The following ACO2 variants were observed in gnomAD, a reference collection of about 807,000 sequenced individuals.
ACO2 encodes the protein aconitate hydratase, mitochondrial.
A neutral mutation model predicts 84.5 loss-of-function variants in ACO2; 31 were observed. The observed-to-expected ratio is 0.37, with a 90% CI of 0.28 to 0.50. The LOEUF is 0.50. ACO2 is among the 20% of genes least tolerant of loss of function. The pLI is 0.97. For synonymous variants in ACO2, 414 were observed against 412.7 expected, an observed-to-expected ratio of 1.00 and a Z score of -0.04; for missense variants, 685 against 1,029.3, an observed-to-expected ratio of 0.67 and a Z score of 4.58.
intron 2 of ACO2, among the ~76,000 whole-genome samples, chr22:41,503,053 C>A (rs1004239155): frequency 6.6e-6 from 1 of 152,292 alleles, no homozygotes; most frequent in Admixed American, 6.5e-5. Flanking sequence ...GCAAGAGGTT[C>A]GCTTTGAGAT....
intron 8 of ACO2, among the ~76,000 whole-genome samples, chr22:41,519,762 C>T (rs1011098917): frequency 6.6e-6 from 1 of 150,692 alleles, no homozygotes; most frequent in African/African-American, 2.5e-5. Flanking sequence ...GAGCCAAGAT[C>T]GTGCCACTGC....
At chr22:41,521,461 G>C (rs1177639054) in intron 9 of ACO2, 1 of 152,226 alleles carries the variant, frequency 6.6e-6, no homozygotes, top group South Asian at 2.1e-4. Context: ...CACTGTCTAT[G>C]TGTGGGTTCC....
intron 16 of ACO2, 45 bp downstream of exon 16, chr22:41,527,465 T>C: frequency 6.4e-7 from 1 of 1,568,446 alleles, no homozygotes; most frequent in South Asian, 1.2e-5. Flanking sequence ...CCATCCCTAG[T>C]GATCAAGGTC....
intron 3 of ACO2, among the ~76,000 whole-genome samples, chr22:41,508,641 A>G (rs1601910413): frequency 6.6e-6 from 1 of 152,180 alleles, no homozygotes; most frequent in East Asian, 1.9e-4. Context: ...TTGCTTAACT[A>G]CATGGGGGTG....
intron 1 of ACO2, among the ~76,000 whole-genome samples, chr22:41,497,176 C>A (rs1393843095): frequency 6.6e-6 from 1 of 151,946 alleles, no homozygotes; most frequent in Non-Finnish European, 1.5e-5. Flanking sequence ...TCAAGCAATT[C>A]TCCTGCCTCA....
intron 8 of ACO2, 130 bp from the exon 9 acceptor site, chr22:41,520,041 G>A: frequency 2.7e-6 from 2 of 741,962 alleles, no homozygotes; most frequent in Non-Finnish European, 4.5e-6. Context: ...TCTTCCCTGT[G>A]ATGAGGTTTC....
chr22:41,517,965 T>C (rs2066488709), intron 7 of ACO2, among the ~76,000 whole-genome samples: 1 of 152,180 alleles, frequency 6.6e-6, no homozygotes, highest in South Asian at 2.1e-4. Flanking sequence ...ATGACATGGA[T>C]CGCTTCTGTT....
At chr22:41,510,128 G>A (rs1055882175) in intron 3 of ACO2, among the ~76,000 whole-genome samples, 7 of 152,176 alleles carry the variant, frequency 4.6e-5, no homozygotes, top group Admixed American at 4.6e-4. Context: ...GAGCCACCAC[G>A]CCCGGCCTAG....
Position 41,522,030 on chromosome 22 carries a change from C to T in ACO2, c.1139-800C>T, listed in dbSNP as rs9607810. 2.0e-5 allele frequency among the ~76,000 whole-genome samples: 3 copies of T among 152,216 alleles called. No homozygotes were observed. The South Asian group carries it at 6.2e-4, about 32-fold the overall frequency. On this transcript the variant is annotated intron_variant, in intron 9 of 17. Transcript: ENST00000216254. The stretch of plus-strand genomic sequence containing the variant: ...TCAAGTGATCTGCCTGCCTCGGCCT[C>T]TCAAAGTTGTGGGATTACAGGTGTG...
intron 1 of ACO2, 135 bp from the exon 2 acceptor site, chr22:41,499,591 G>A (rs531669568): frequency 1.3e-5 from 12 of 951,682 alleles, no homozygotes; most frequent in Non-Finnish European, 1.9e-5. Flanking sequence ...CTGCAGATGA[G>A]GAAGCTGAGG....
At chr22:41,480,944 T>C (rs2038080026) in intron 1 of ACO2, among the ~76,000 whole-genome samples, 1 of 152,094 alleles carries the variant, frequency 6.6e-6, no homozygotes, top group Admixed American at 6.6e-5. Flanking sequence ...GTCTCCTGAG[T>C]AGCTCAGACT....
intron 3 of ACO2, among the ~76,000 whole-genome samples, chr22:41,509,232 A>G (rs2066416712): frequency 6.6e-6 from 1 of 152,060 alleles, no homozygotes; most frequent in Admixed American, 6.5e-5. Context: ...TGCTTGCTTT[A>G]TGGGCTCAGA....
At chr22:41,480,920 A>C (rs376032007) in intron 1 of ACO2, among the ~76,000 whole-genome samples, 2 of 152,028 alleles carry the variant, frequency 1.3e-5, no homozygotes, top group African/African-American at 4.8e-5. Flanking sequence ...GGCTCAAGCA[A>C]TTCTCCCACC....
chr22:41,518,660 G>T, intron 8 of ACO2, 88 bp downstream of exon 8: 1 of 1,049,782 alleles, frequency 9.5e-7, no homozygotes, highest in Non-Finnish European at 1.5e-6. Context: ...TGAGGGCCGG[G>T]TGGTGGCTCA....
At chr22:41,474,518 C>T (rs565314271) in intron 1 of ACO2, among the ~76,000 whole-genome samples, 68 of 148,348 alleles carry the variant, frequency 4.6e-4, no homozygotes, top group Non-Finnish European at 4.1e-4. Context: ...TGGTCTCAAT[C>T]TCCTGACCTC....
Position 41,525,276 on chromosome 22 carries a change from G to A in ACO2, c.1689G>A (p.Gln563=), listed in dbSNP as rs2066571220. Residue 563 remains glutamine (Q), a synonymous_variant, in exon 14 of 18, where the codon CAG becomes CAA. Transcript: ENST00000216254. ...ATGTGGACGTGAGCCCCACCAGCCA[G>A]CGCCTGCAGCTCCTGGAGCCTTTTG... ...GQHVDVSPTS[Q]RLQLLEPFDK... The A allele has an allele frequency of 6.2e-7, 1 of 1,613,958 alleles. No homozygotes were observed. Among genetic ancestry groups the A allele is most frequent in the African/African-American group, 1.3e-5 (1 of 74,910 alleles).
At chr22:41,510,946 C>G (rs1358645643) in intron 3 of ACO2, among the ~76,000 whole-genome samples, 1 of 152,176 alleles carries the variant, frequency 6.6e-6, no homozygotes, top group Non-Finnish European at 1.5e-5. Context: ...GTCCAGGGGG[C>G]TCTCTCAGGT....
At chr22:41,469,304 C>T (rs1364927482) in intron 1 of ACO2, 122 bp downstream of exon 1, 3 of 1,220,646 alleles carry the variant, frequency 2.5e-6, no homozygotes, top group Middle Eastern at 3.0e-4. Context: ...GTACCTGTCC[C>T]GGTTGTGGGC....
intron 3 of ACO2, among the ~76,000 whole-genome samples, chr22:41,509,138 T>G (rs2066415865): frequency 6.6e-6 from 1 of 152,174 alleles, no homozygotes; most frequent in African/African-American, 2.4e-5. Context: ...TGCCGGGAAC[T>G]GCACATGGCC....
Sources: allele counts gnomAD v4.1 joint callset (sites outside exome capture counted in the v4.1 genomes callset), GRCh38; gene constraint gnomAD v4.1.1; transcripts MANE v1.5; gene names NCBI Gene and HGNC (gene_info 2026-07-23, HGNC 2026-07-21).